Variants in GLRX3 observed in about 807,000 individuals in gnomAD.
The protein encoded by GLRX3 is glutaredoxin-3.
In GLRX3, 22 loss-of-function variants were observed where a neutral mutation model predicts 49.5. The observed-to-expected ratio is 0.44, with a 90% CI of 0.32 to 0.63. The LOEUF (loss-of-function observed/expected upper bound fraction) is 0.63. GLRX3 is among the 30% of genes least tolerant of loss of function. The pLI is 0.05. For synonymous variants in GLRX3, 133 were observed against 140.0 expected (o/e 0.95, Z 0.35); for missense variants, 385 against 396.3 (o/e 0.97, Z 0.24).
intron 1 of GLRX3, among the ~76,000 whole-genome samples, chr10:130,136,725 G>C (rs1037781513): frequency 6.6e-6 from 1 of 152,196 alleles, no homozygotes; most frequent in Non-Finnish European, 1.5e-5. Context: ...ACAGCGAGCA[G>C]GGCGCGAGGC....
At chr10:130,159,775 A>G (rs944256367) in intron 2 of GLRX3, 2 of 1,283,386 alleles carry the variant, frequency 1.6e-6, no homozygotes, top group African/African-American at 3.0e-5. Context: ...ATGTGCAACA[A>G]AATAAAAACC....
chr10:130,160,691 T>C, intron 3 of GLRX3, 105 bp from the exon 4 acceptor site: 1 of 690,896 alleles, frequency 1.4e-6, no homozygotes, highest in Non-Finnish European at 2.5e-6. Context: ...GAGGGTTTCT[T>C]TTTTTACATC....
chr10:130,152,664 A>AGATCTG (rs1389006841), intron 2 of GLRX3, among the ~76,000 whole-genome samples: 1 of 152,162 alleles, frequency 6.6e-6, no homozygotes, highest in Non-Finnish European at 1.5e-5. Flanking sequence ...TTCTGCCGAG[A>AGATCTG]GATCTGCTGT....
At chr10:130,151,617 T>G (rs948305643) in intron 2 of GLRX3, among the ~76,000 whole-genome samples, 2 of 152,034 alleles carry the variant, frequency 1.3e-5, no homozygotes, top group Non-Finnish European at 2.9e-5. Context: ...TGAGAACATG[T>G]GGTGTTTGGT....
intron 7 of GLRX3, among the ~76,000 whole-genome samples, chr10:130,170,880 T>C (rs1862792844): frequency 6.6e-6 from 1 of 152,276 alleles, no homozygotes; most frequent in African/African-American, 2.4e-5. Flanking sequence ...ATGCCTGTAA[T>C]CCCAGCACTT....
chr10:130,140,866 G>T (rs755791952), intron 1 of GLRX3, among the ~76,000 whole-genome samples: 1 of 152,116 alleles, frequency 6.6e-6, no homozygotes, highest in African/African-American at 2.4e-5. Flanking sequence ...TTTCTGATTT[G>T]CTACGTAAAG....
intron 4 of GLRX3, among the ~76,000 whole-genome samples, chr10:130,161,993 C>T (rs1465673161): frequency 1.3e-5 from 2 of 151,958 alleles, no homozygotes; most frequent in Non-Finnish European, 2.9e-5. Flanking sequence ...CTTATTTTTT[C>T]GAGATGGAAT....
At chr10:130,154,058 G>T (rs1351332005) in intron 2 of GLRX3, among the ~76,000 whole-genome samples, 1 of 152,230 alleles carries the variant, frequency 6.6e-6, no homozygotes, top group African/African-American at 2.4e-5. Flanking sequence ...CCCTCCCCTA[G>T]CCAAGCTTCA....
intron 4 of GLRX3, 85 bp from the exon 5 acceptor site, chr10:130,166,422 A>G: frequency 2.2e-6 from 2 of 892,918 alleles, no homozygotes; most frequent in Middle Eastern, 3.1e-4. Flanking sequence ...CTTTTAGATG[A>G]TATGTACGCT....
intron 2 of GLRX3, among the ~76,000 whole-genome samples, chr10:130,151,186 A>G (rs111529078): frequency 6.6e-6 from 1 of 152,090 alleles, no homozygotes; most frequent in East Asian, 1.9e-4. Flanking sequence ...TCGGCCTCCC[A>G]AAGTGCTGGG....
intron 1 of GLRX3, among the ~76,000 whole-genome samples, chr10:130,138,923 A>C (rs1862120656): frequency 7.1e-6 from 1 of 140,776 alleles, no homozygotes; most frequent in Non-Finnish European, 1.5e-5. Flanking sequence ...GTGCAGTGAC[A>C]CAATCTTGGC....
intron 10 of GLRX3, among the ~76,000 whole-genome samples, chr10:130,176,863 G>A (rs1862934301): frequency 6.7e-6 from 1 of 148,676 alleles, no homozygotes; most frequent in African/African-American, 2.5e-5. Flanking sequence ...TCTTGAGCCT[G>A]TTCTTGTCTG....
chr10:130,150,564 T>C (rs1209298178), intron 2 of GLRX3, among the ~76,000 whole-genome samples: 1 of 152,234 alleles, frequency 6.6e-6, no homozygotes, highest in Admixed American at 6.5e-5. Flanking sequence ...GAGTTACGTA[T>C]TTAAATGTAT....
Position 130,166,953 on chromosome 10 carries a change from G to A in GLRX3, c.686G>A (p.Cys229Tyr). 3 of 1,595,586 alleles carry A rather than the reference G, an allele frequency of 1.9e-6. No homozygotes were observed. The highest frequency in any genetic ancestry group is 2.6e-6 in the Non-Finnish European group (3 of 1,169,882). The change falls in exon 6 of 11, where the codon TGT (cysteine) becomes TAT (tyrosine). Residue 229 changes from cysteine (C) to tyrosine (Y), a missense_variant. By Grantham distance (194) the Cys-to-Tyr change is radical (BLOSUM62 -2). Transcript: ENST00000331244. ...LEASEELDTI[C>Y]PKAPKLEERL... is the part of the protein sequence containing the mutation. ...GCATCTGAAGAACTAGATACAATTT[G>A]TCCCAAAGCTCCCAAATTAGAGGAA... is the stretch of plus-strand genomic sequence containing the variant.
At chr10:130,170,072 A>T (rs894180668) in intron 7 of GLRX3, among the ~76,000 whole-genome samples, 1 of 152,208 alleles carries the variant, frequency 6.6e-6, no homozygotes, top group African/African-American at 2.4e-5. Flanking sequence ...CGATAGTTTG[A>T]GCAGAACTAA....
At chr10:130,175,290 C>T (rs4751171) in intron 10 of GLRX3, among the ~76,000 whole-genome samples, 14,316 of 152,248 alleles carry the variant, frequency 0.094, 845 homozygotes, top group Non-Finnish European at 0.12. Flanking sequence ...GCAGCCTGTT[C>T]TTACTTTCAC....
chr10:130,156,774 C>A (rs1359087802), intron 2 of GLRX3, among the ~76,000 whole-genome samples: 3 of 152,212 alleles, frequency 2.0e-5, no homozygotes, highest in Non-Finnish European at 4.4e-5. Context: ...TCCATAGACA[C>A]ATAGCAGGTG....
At chr10:130,164,293 T>G (rs1017077234) in intron 4 of GLRX3, among the ~76,000 whole-genome samples, 5 of 152,242 alleles carry the variant, frequency 3.3e-5, no homozygotes, top group South Asian at 2.1e-4. Flanking sequence ...CTGAGGTATA[T>G]GTCATCTTAA....
At chr10:130,180,094 A>G (rs3750834), downstream of GLRX3, 58,181 of 131,364 alleles carry the variant, frequency 0.44, 12,920 homozygotes, top group African/African-American at 0.66. Flanking sequence ...AAGCATCACT[A>G]CTTTTTTTTT....
Sources: gnomAD v4.1 joint callset for allele counts (sites outside exome capture counted in the v4.1 genomes callset) on GRCh38, gnomAD v4.1.1 for gene constraint, MANE v1.5 for transcripts, NCBI Gene and HGNC (gene_info 2026-07-23, HGNC 2026-07-21) for gene names.